Variants in SPOCK3 observed in about 807,000 individuals in gnomAD.
SPOCK3 encodes testican-3.
A neutral mutation model predicts 56.6 loss-of-function variants in SPOCK3; 30 were observed. That is an observed-to-expected ratio of 0.53 (90% CI 0.40 to 0.72). The LOEUF is 0.72. SPOCK3 is among the 30% of genes least tolerant of loss of function. The probability of loss-of-function intolerance (pLI) is 0.00; values close to 1 mark genes in which losing one functional copy is unlikely to be tolerated. For missense variants in SPOCK3, 527 were observed against 530.0 expected (o/e 0.99, Z 0.06); for synonymous variants, 196 against 183.3 (o/e 1.07, Z -0.56).
At chr4:167,126,524 G>A (rs1322314222) in intron 2 of SPOCK3, among the ~76,000 whole-genome samples, 7 of 151,916 alleles carry the variant, frequency 4.6e-5, no homozygotes, top group Non-Finnish European at 1.0e-4. Context: ...ACTCTAGCCT[G>A]GGCAACAAGA....
rs531082329 is a variant in SPOCK3, at chr4:167,047,042, C to T, written c.235+15450G>A. Reference sequence around the variant, plus strand: ...ATATAACTACATGCTAGGACTTTGACGAGCTTATGATCTCAATCAAGAAGG... The same window carrying T: ...ATATAACTACATGCTAGGACTTTGATGAGCTTATGATCTCAATCAAGAAGG... On this transcript the variant is annotated intron_variant, in intron 3 of 10. Transcript: ENST00000357545. 3.3e-5 allele frequency among the ~76,000 whole-genome samples: 5 copies of T among 152,164 alleles called. No individual in the cohort carries two copies. The East Asian group carries it at 5.8e-4, about 18-fold the overall frequency.
At position 166,754,527 on chromosome 4, in the gene SPOCK3, G is replaced by A; in HGVS notation, c.912C>T (p.Tyr304=). The A allele has an allele frequency of 1.2e-6, 2 of 1,613,150 alleles. No homozygotes were observed. Among genetic ancestry groups the A allele is most frequent in the African/African-American group, 1.3e-5 (1 of 75,000 alleles). ...DSLISNNEWC[Y]CFQRQQDPPC... is the part of the protein sequence containing the mutation. ...TTTTACCTTGCTGTCTCTGGAAGCA[G>A]TAGCACCACTCATTATTAGATATTA... Residue 304 remains tyrosine, a synonymous_variant, in exon 8 of 11, where the codon TAC becomes TAT. Coordinates refer to ENST00000357545, the MANE Select transcript of SPOCK3 (RefSeq NM_001040159.2).
chr4:166,889,006 A>G (rs1734484760), intron 6 of SPOCK3, 124 bp downstream of exon 6: 3 of 654,858 alleles, frequency 4.6e-6, no homozygotes, highest in South Asian at 3.6e-5. Context: ...CAATAAAAAT[A>G]TAAATGATAT....
At chr4:166,747,718 T>C (rs1735831919) in intron 8 of SPOCK3, among the ~76,000 whole-genome samples, 1 of 152,102 alleles carries the variant, frequency 6.6e-6, no homozygotes, top group Admixed American at 6.6e-5. Context: ...GATGACATGA[T>C]TGTATATTTA....
intron 5 of SPOCK3, among the ~76,000 whole-genome samples, chr4:166,911,769 T>C (rs1450405153): frequency 2.0e-5 from 3 of 152,016 alleles, no homozygotes; most frequent in African/African-American, 7.2e-5. Context: ...AACTCCTGAC[T>C]CAGGTAATCT....
At chr4:166,797,211 A>AGT (rs1457778731) in intron 6 of SPOCK3, among the ~76,000 whole-genome samples, 1 of 148,686 alleles carries the variant, frequency 6.7e-6, no homozygotes, top group Non-Finnish European at 1.5e-5. Context: ...TTATAATTTA[A>AGT]GTGGCATGGA....
At chr4:166,962,080 A>T (rs558533761) in intron 4 of SPOCK3, among the ~76,000 whole-genome samples, 1 of 152,194 alleles carries the variant, frequency 6.6e-6, no homozygotes, top group South Asian at 2.1e-4. Context: ...CTCAAATCAC[A>T]TCACTCTGAA....
chr4:166,805,005 G>C (rs184508534), intron 6 of SPOCK3, among the ~76,000 whole-genome samples: 1 of 152,164 alleles, frequency 6.6e-6, no homozygotes, highest in East Asian at 1.9e-4. Flanking sequence ...GCATCTCCAA[G>C]ATTGAGATAA....
intron 4 of SPOCK3, among the ~76,000 whole-genome samples, chr4:166,915,756 G>A (rs1337447908): frequency 1.3e-5 from 2 of 151,632 alleles, no homozygotes; most frequent in Non-Finnish European, 2.9e-5. Context: ...GATCTGGGGA[G>A]AGCACAACTA....
intron 2 of SPOCK3, among the ~76,000 whole-genome samples, chr4:167,141,879 C>CA (rs1404108605): frequency 6.6e-6 from 1 of 151,766 alleles, no homozygotes; most frequent in Non-Finnish European, 1.5e-5. Context: ...AACTCTAAGA[C>CA]AAAATATTGT....
chr4:166,898,852 A>G (rs1179242872), intron 5 of SPOCK3, among the ~76,000 whole-genome samples: 1 of 152,170 alleles, frequency 6.6e-6, no homozygotes, highest in Non-Finnish European at 1.5e-5. Context: ...TAGATGGTCA[A>G]ACATTATTTC....
intron 2 of SPOCK3, among the ~76,000 whole-genome samples, chr4:167,109,406 T>TATTTATATA (rs1561225409): frequency 1.2e-5 from 1 of 83,462 alleles, no homozygotes; most frequent in African/African-American, 4.5e-5. Context: ...TATTTATATA[T>TATTTATATA]AAATATATAT....
intron 3 of SPOCK3, among the ~76,000 whole-genome samples, chr4:167,060,979 T>C (rs964996421): frequency 2.6e-5 from 4 of 152,104 alleles, no homozygotes; most frequent in African/African-American, 9.7e-5. Flanking sequence ...TTAGCTATTA[T>C]CATGTCATAA....
rs1304554271 is a variant in SPOCK3, at chr4:166,836,452, A to T, written c.590-44163T>A. Among the ~76,000 whole-genome samples, 3 of 152,228 alleles carry T rather than the reference A, an allele frequency of 2.0e-5. No individual in the cohort carries two copies. The East Asian group carries it at 5.8e-4, about 29-fold the overall frequency. ...ATGAACTTATATTAAAACTGCCACA[A>T]GGCATCGTTGTTTGTAGGGGTTGAG... On this transcript the variant is annotated intron_variant, in intron 6 of 10. Coordinates refer to ENST00000357545, the MANE Select transcript of SPOCK3 (RefSeq NM_001040159.2).
chr4:166,851,576 T>A (rs1190673621), intron 6 of SPOCK3, among the ~76,000 whole-genome samples: 1 of 152,004 alleles, frequency 6.6e-6, no homozygotes, highest in East Asian at 1.9e-4. Context: ...TTGAAAAAAA[T>A]TTAGAAGAAT....
At chr4:167,053,474 CA>C (rs1754429828) in intron 3 of SPOCK3, among the ~76,000 whole-genome samples, 1 of 152,030 alleles carries the variant, frequency 6.6e-6, no homozygotes, top group African/African-American at 2.4e-5. Flanking sequence ...CACTTGAGTT[CA>C]AGAGTTCGAG....
chr4:167,116,444 AT>A (rs1365313484), intron 2 of SPOCK3, among the ~76,000 whole-genome samples: 2 of 145,466 alleles, frequency 1.4e-5, no homozygotes, highest in African/African-American at 5.0e-5. Context: ...TAATATATAT[AT>A]ACACAAAAGT....
chr4:166,910,128 T>C (rs1737100730), intron 5 of SPOCK3, among the ~76,000 whole-genome samples: 1 of 152,130 alleles, frequency 6.6e-6, no homozygotes, highest in South Asian at 2.1e-4. Context: ...TTTCATTGTT[T>C]TATATAGCTC....
intron 4 of SPOCK3, among the ~76,000 whole-genome samples, chr4:166,958,104 T>G (rs1743709358): frequency 6.6e-6 from 1 of 151,870 alleles, no homozygotes; most frequent in South Asian, 2.1e-4. Flanking sequence ...CTGGTGGGAG[T>G]TGATTGGACC....
Sources: gnomAD v4.1 joint callset for allele counts (sites outside exome capture counted in the v4.1 genomes callset) on GRCh38, gnomAD v4.1.1 for gene constraint, MANE v1.5 for transcripts, NCBI Gene and HGNC (gene_info 2026-07-23, HGNC 2026-07-21) for gene names.